Variants in AXIN1 observed in about 807,000 individuals in gnomAD.
AXIN1 encodes the protein axin 1.
Under a neutral mutation model 76.4 loss-of-function variants are expected in AXIN1, and 30 were observed. The ratio of observed to expected loss-of-function variants is 0.39; its 90% CI spans 0.29 to 0.53. The LOEUF (loss-of-function observed/expected upper bound fraction) is 0.53, where lower values mean the gene tolerates loss of function less well. AXIN1 is among the 20% of genes least tolerant of loss of function. The pLI, the probability that AXIN1 is intolerant of heterozygous loss-of-function variation, is 0.66. For missense variants in AXIN1, 1,140 were observed against 1,198.8 expected, an observed-to-expected ratio of 0.95 and a Z score of 0.72; for synonymous variants, 545 against 501.4, an observed-to-expected ratio of 1.09 and a Z score of -1.16.
intron 3 of AXIN1, among the ~76,000 whole-genome samples, chr16:312,676 G>A (rs1434038654): frequency 1.3e-5 from 2 of 151,042 alleles, no homozygotes; most frequent in East Asian, 1.9e-4. Flanking sequence ...AAAATTAAAC[G>A]AGGATGAAAG....
At chr16:288,346 A>T (rs1332656752) in intron 10 of AXIN1, 98 bp from the exon 11 acceptor site, 1 of 1,576,962 alleles carries the variant, frequency 6.3e-7, no homozygotes, top group Non-Finnish European at 8.7e-7. Flanking sequence ...CATCCCGAGG[A>T]GCCTCCTGTC....
At chr16:288,332 A>AC (rs11374767) in intron 10 of AXIN1, 84 bp from the exon 11 acceptor site, 611,672 of 1,593,416 alleles carry the variant, frequency 0.38, 121,953 homozygotes, top group African/African-American at 0.62. Context: ...GCGTGTCCAC[A>AC]CCCCATCCCG....
chr16:329,540 G>T (rs1176959683), intron 2 of AXIN1, among the ~76,000 whole-genome samples: 5 of 152,016 alleles, frequency 3.3e-5, no homozygotes, highest in Admixed American at 6.5e-5. Flanking sequence ...CCGCCTCCCG[G>T]GCTCAAGCAA....
chr16:326,057 C>CTA (rs558239421), intron 2 of AXIN1, among the ~76,000 whole-genome samples: 201 of 152,014 alleles, frequency 1.3e-3, no homozygotes, highest in African/African-American at 4.8e-3. Context: ...CACTTATATA[C>CTA]TATATATATA....
intron 5 of AXIN1, among the ~76,000 whole-genome samples, chr16:302,394 G>A (rs1457495667): frequency 6.6e-6 from 1 of 152,234 alleles, no homozygotes. Flanking sequence ...TCCACATGGT[G>A]GCAAAACAAT....
In AXIN1 at chr16:287,827, TGGG is replaced by T; in HGVS notation, c.*292_*294del. The T allele has an allele frequency of 2.0e-6, 1 of 492,564 alleles. No homozygotes were observed. Among genetic ancestry groups the T allele is most frequent in the Admixed American group, 3.3e-5 (1 of 29,874 alleles). The allele number at this position is 492,564 out of a possible 1,614,324, so 30.5% of individuals were successfully genotyped here. On this transcript the variant is annotated 3_prime_UTR_variant, in exon 11 of 11. Transcript: ENST00000262320. ...CGTGCCCAAGGGAGGTGCCGGGGGATGGGGGGGGGTCACCTGAAGCTGGCAGCA... is the reference window on the plus strand; with the variant it reads ...CGTGCCCAAGGGAGGTGCCGGGGGATGGGGGGTCACCTGAAGCTGGCAGCA...
chr16:315,785 G>A lies in AXIN1; in HGVS notation c.879-1102C>T, dbSNP rs1597050064. Among the ~76,000 whole-genome samples the A allele has an allele frequency of 7.6e-5, 11 of 144,814 alleles. 1 individual carries two copies. In the South Asian group the frequency reaches 1.5e-3, roughly 20 times the overall value. On this transcript the variant is annotated intron_variant, in intron 2 of 10. Transcript: ENST00000262320. Reference sequence around the variant, plus strand: ...GGAGCTTGCAGTAAGCTGAGATCACGCCACTGCACTCCAGCCTGGGTGACA... The same window carrying A: ...GGAGCTTGCAGTAAGCTGAGATCACACCACTGCACTCCAGCCTGGGTGACA...
intron 7 of AXIN1, among the ~76,000 whole-genome samples, chr16:295,966 CA>C (rs10712010): frequency 0.37 from 55,511 of 151,284 alleles, 10,797 homozygotes; most frequent in African/African-American, 0.48. Flanking sequence ...GACTCCGTCT[CA>C]AAAAAAAAGA....
chr16:305,572 C>T (rs904253905), intron 4 of AXIN1, among the ~76,000 whole-genome samples: 1 of 152,094 alleles, frequency 6.6e-6, no homozygotes, highest in Non-Finnish European at 1.5e-5. Context: ...GAGACAGGGT[C>T]TCGCTCTGTC....
At chr16:326,876 C>A (rs1367591211) in intron 2 of AXIN1, among the ~76,000 whole-genome samples, 1 of 151,862 alleles carries the variant, frequency 6.6e-6, no homozygotes, top group Non-Finnish European at 1.5e-5. Flanking sequence ...TGTGGTGGCT[C>A]ACACCTGTAA....
At chr16:337,656 C>G (rs927609616) in intron 2 of AXIN1, among the ~76,000 whole-genome samples, 1 of 152,258 alleles carries the variant, frequency 6.6e-6, no homozygotes, top group African/African-American at 2.4e-5. Flanking sequence ...ACCTGGCCAC[C>G]TAGCCAGCTG....
chr16:319,032 C>A (rs1162310750), intron 2 of AXIN1, among the ~76,000 whole-genome samples: 2 of 152,150 alleles, frequency 1.3e-5, no homozygotes, highest in Non-Finnish European at 2.9e-5. Context: ...GCCCAGCCCC[C>A]CACGCTGATG....
intron 7 of AXIN1, among the ~76,000 whole-genome samples, 186 bp downstream of exon 7, chr16:296,870 C>A (rs1330152610): frequency 6.6e-6 from 1 of 152,112 alleles, no homozygotes; most frequent in Non-Finnish European, 1.5e-5. Flanking sequence ...AGGTTTTCCT[C>A]CTGGAGACGT....
chr16:291,783 C>T (rs1015735225), intron 8 of AXIN1: 9 of 263,774 alleles, frequency 3.4e-5, no homozygotes, highest in Non-Finnish European at 4.5e-5. Flanking sequence ...GCTCCTCTCA[C>T]GTGGACACCT....
intron 9 of AXIN1, chr16:290,010 C>T: frequency 3.3e-6 from 1 of 307,194 alleles, no homozygotes; most frequent in East Asian, 8.6e-5. Context: ...TGCACGATTT[C>T]TGGATAAGCC....
intron 2 of AXIN1, among the ~76,000 whole-genome samples, chr16:324,262 C>A (rs2053529907): frequency 7.0e-6 from 1 of 143,722 alleles, no homozygotes; most frequent in African/African-American, 2.8e-5. Flanking sequence ...TCAAGGACGC[C>A]GATGCCATGG....
At chr16:301,758 C>T (rs182331020) in intron 5 of AXIN1, among the ~76,000 whole-genome samples, 1 of 152,286 alleles carries the variant, frequency 6.6e-6, no homozygotes, top group East Asian at 1.9e-4. Context: ...AAGCGTTCCA[C>T]AGAAAATTAC....
At chr16:320,895 A>G in intron 2 of AXIN1, among the ~76,000 whole-genome samples, 1 of 151,074 alleles carries the variant, frequency 6.6e-6, no homozygotes, top group Non-Finnish European at 1.5e-5. Flanking sequence ...ACACGTCACC[A>G]CGCCCGGCTA....
intron 2 of AXIN1, among the ~76,000 whole-genome samples, chr16:340,328 G>A (rs991072610): frequency 6.6e-6 from 1 of 152,154 alleles, no homozygotes; most frequent in Admixed American, 6.5e-5. Context: ...GTGCATCACT[G>A]GACTGGCCCG....
Sources: allele counts gnomAD v4.1 joint callset (sites outside exome capture counted in the v4.1 genomes callset), GRCh38; gene constraint gnomAD v4.1.1; transcripts MANE v1.5; gene names NCBI Gene and HGNC (gene_info 2026-07-23, HGNC 2026-07-21).